Variants in FRMD5 observed in about 807,000 individuals in gnomAD.
The protein encoded by FRMD5 is FERM domain-containing protein 5.
A neutral mutation model predicts 69.0 loss-of-function variants in FRMD5; 20 were observed. The observed-to-expected ratio is 0.29, with a 90% CI of 0.20 to 0.42. The LOEUF is 0.42. FRMD5 is among the 10% of genes least tolerant of loss of function. The pLI, the probability that FRMD5 is intolerant of heterozygous loss-of-function variation, is 1.00. For synonymous variants in FRMD5, 271 were observed against 260.1 expected, an observed-to-expected ratio of 1.04 and a Z score of -0.40; for missense variants, 595 against 708.6, an observed-to-expected ratio of 0.84 and a Z score of 1.82.
intron 1 of FRMD5, among the ~76,000 whole-genome samples, chr15:44,132,421 T>C (rs1407481667): frequency 1.3e-5 from 2 of 152,158 alleles, no homozygotes; most frequent in African/African-American, 4.8e-5. Context: ...TAGTACATTA[T>C]GAATGTGTGT....
intron 1 of FRMD5, among the ~76,000 whole-genome samples, chr15:43,981,414 T>C (rs1045227862): frequency 6.6e-6 from 1 of 152,174 alleles, no homozygotes; most frequent in Non-Finnish European, 1.5e-5. Flanking sequence ...TGTCTTCATG[T>C]TGAGTAGGCT....
rs183759383 is a variant in FRMD5, at chr15:44,070,268, A to G, written c.102+124685T>C. Among the ~76,000 whole-genome samples the G allele has an allele frequency of 3.9e-5, 6 of 152,026 alleles. No homozygotes were observed. In the East Asian group the frequency reaches 1.2e-3, roughly 29 times the overall value. The stretch of plus-strand genomic sequence containing the variant: ...GGTGGGAAGATTGCTTGAGTCTAGG[A>G]GTTCAAGACCAGCCTGGGTGACAGA... On this transcript the variant is annotated intron_variant, in intron 1 of 13. Coordinates refer to ENST00000417257, the MANE Select transcript of FRMD5 (RefSeq NM_032892.5).
chr15:44,044,199 T>C (rs1392224234), intron 1 of FRMD5, among the ~76,000 whole-genome samples: 3 of 152,036 alleles, frequency 2.0e-5, no homozygotes, highest in Non-Finnish European at 4.4e-5. Flanking sequence ...ATTAGAGAAA[T>C]GCAAATCAAA....
intron 7 of FRMD5, among the ~76,000 whole-genome samples, chr15:43,899,912 C>T (rs1049074415): frequency 6.6e-6 from 1 of 152,146 alleles, no homozygotes; most frequent in Admixed American, 6.5e-5. Context: ...GTGGAGAATC[C>T]CTTTCCCCGC....
At chr15:43,878,799 G>C (rs535470082) in intron 13 of FRMD5, among the ~76,000 whole-genome samples, 1 of 152,264 alleles carries the variant, frequency 6.6e-6, no homozygotes, top group African/African-American at 2.4e-5. Flanking sequence ...TGTGGGGAAG[G>C]AGAGGCAGAT....
chr15:44,163,669 TA>T (rs1292023673), intron 1 of FRMD5, among the ~76,000 whole-genome samples: 2 of 152,218 alleles, frequency 1.3e-5, no homozygotes, highest in Admixed American at 6.5e-5. Context: ...AGTTGCTAAC[TA>T]AATCTGCATG....
intron 5 of FRMD5, among the ~76,000 whole-genome samples, chr15:43,909,668 C>A (rs536549155): frequency 6.6e-6 from 1 of 151,960 alleles, no homozygotes; most frequent in Non-Finnish European, 1.5e-5. Flanking sequence ...TTAGTAGAGA[C>A]GGGGTTTCAC....
chr15:43,893,127 A>G (rs948396856), intron 7 of FRMD5, among the ~76,000 whole-genome samples: 3 of 145,566 alleles, frequency 2.1e-5, no homozygotes, highest in African/African-American at 7.9e-5. Context: ...AAACGAAAAA[A>G]CAAAAAAAAA....
chr15:44,118,042 T>C (rs1268573494), intron 1 of FRMD5, among the ~76,000 whole-genome samples: 6 of 142,528 alleles, frequency 4.2e-5, no homozygotes, highest in African/African-American at 1.7e-4. Context: ...GGGAGAAACA[T>C]TTCAAAGACT....
At chr15:44,167,333 A>ACAC (rs1268825109) in intron 1 of FRMD5, among the ~76,000 whole-genome samples, 1 of 151,448 alleles carries the variant, frequency 6.6e-6, no homozygotes, top group Non-Finnish European at 1.5e-5. Context: ...GCATCACTGC[A>ACAC]CACCAGCCTG....
chr15:43,926,463 CCATGGGTAATTA>C (rs2089587602), intron 1 of FRMD5, among the ~76,000 whole-genome samples: 1 of 152,192 alleles, frequency 6.6e-6, no homozygotes, highest in African/African-American at 2.4e-5. Flanking sequence ...AGGCCCAAGG[CCATGGGTAATTA>C]CAGAAGGGCC....
chr15:44,064,729 C>T (rs1027547284), intron 1 of FRMD5, among the ~76,000 whole-genome samples: 1 of 152,180 alleles, frequency 6.6e-6, no homozygotes, highest in African/African-American at 2.4e-5. Context: ...TCAAATCCAA[C>T]TTTCAGAAAA....
At chr15:44,064,475 G>C (rs1893226793) in intron 1 of FRMD5, among the ~76,000 whole-genome samples, 1 of 152,114 alleles carries the variant, frequency 6.6e-6, no homozygotes, top group Non-Finnish European at 1.5e-5. Flanking sequence ...CTGTAATCCA[G>C]GTACTCTGGA....
chr15:44,079,157 G>A lies in FRMD5; in HGVS notation c.102+115796C>T, dbSNP rs148973126. The stretch of plus-strand genomic sequence containing the variant: ...ATAAACAGATGGCCAATAAGCACAC[G>A]AAAAGATATTCAAAATCACTAATCC... On this transcript the variant is annotated intron_variant, in intron 1 of 13. Coordinates refer to ENST00000417257, the MANE Select transcript of FRMD5 (RefSeq NM_032892.5). 3.6e-3 allele frequency among the ~76,000 whole-genome samples: 548 copies of A among 151,966 alleles called. 5 individuals are homozygous for A. Among genetic ancestry groups the A allele is most frequent in the African/African-American group, 0.012 (516 of 41,468 alleles).
upstream of FRMD5, among the ~76,000 whole-genome samples, chr15:44,195,745 CTGT>C (rs2078284450): frequency 3.3e-5 from 5 of 152,224 alleles, no homozygotes; most frequent in Non-Finnish European, 7.3e-5. Flanking sequence ...CCGACCTGTG[CTGT>C]ACCCTAAGTT....
Position 43,999,932 on chromosome 15 carries a change from TATATATATATATATGCCATGC to T in FRMD5, c.103-75644_103-75624del, listed in dbSNP as rs1367714040. Among the ~76,000 whole-genome samples the T allele has an allele frequency of 9.4e-4, 132 of 140,314 alleles. 3 individuals carry two copies. The highest frequency in any genetic ancestry group is 3.4e-3 in the African/African-American group (114 of 33,906). 92.1% of individuals were successfully genotyped at this position (140,314 alleles called of 152,430 possible). A position where few individuals can be genotyped will look rare whatever the true frequency, so the allele number is the denominator to read the frequency against. ...ATTTGTGTGTGTGTATGTATATATATATATATATATATATGCCATGCATATATATATATATATATATATATA... is the reference window on the plus strand; with the variant it reads ...ATTTGTGTGTGTGTATGTATATATATATATATATATATATATATATATATA... On this transcript the variant is annotated intron_variant, in intron 1 of 13. Transcript: ENST00000417257.
At chr15:44,019,774 AAAAGAAAAAAG>A (rs1307539771) in intron 1 of FRMD5, among the ~76,000 whole-genome samples, 2 of 150,594 alleles carry the variant, frequency 1.3e-5, no homozygotes, top group Non-Finnish European at 3.0e-5. Context: ...AAAAGAAAAG[AAAAGAAAAAAG>A]AAAGAAAGAA....
chr15:43,980,399 T>G (rs919320610), intron 1 of FRMD5, among the ~76,000 whole-genome samples: 1 of 152,212 alleles, frequency 6.6e-6, no homozygotes, highest in Non-Finnish European at 1.5e-5. Context: ...AACTCAGCAT[T>G]TCTAACACAA....
intron 1 of FRMD5, among the ~76,000 whole-genome samples, chr15:43,959,354 G>A (rs1225647621): frequency 6.6e-6 from 1 of 152,160 alleles, no homozygotes; most frequent in Non-Finnish European, 1.5e-5. Flanking sequence ...AAAGCTGCTT[G>A]GCTTTAAAAA....
Sources: gnomAD v4.1 joint callset for allele counts (sites outside exome capture counted in the v4.1 genomes callset) on GRCh38, gnomAD v4.1.1 for gene constraint, MANE v1.5 for transcripts, NCBI Gene and HGNC (gene_info 2026-07-23, HGNC 2026-07-21) for gene names.